Variants in FYTTD1 observed in about 807,000 individuals in gnomAD.
FYTTD1 encodes the protein forty-two-three domain containing 1.
In FYTTD1, 22 loss-of-function variants were observed where a neutral mutation model predicts 40.9. That is an observed-to-expected ratio of 0.54 (90% confidence interval 0.38 to 0.77). The LOEUF (loss-of-function observed/expected upper bound fraction) is 0.77. Ranked by LOEUF, FYTTD1 falls within the 30% of genes least tolerant of loss-of-function variation. The pLI, the probability that FYTTD1 is intolerant of heterozygous loss-of-function variation, is 0.00. For synonymous variants in FYTTD1, 140 were observed against 137.9 expected (o/e 1.01, Z -0.10); for missense variants, 351 against 392.2 (o/e 0.90, Z 0.89).
intron 2 of FYTTD1, 54 bp downstream of exon 2, chr3:197,756,611 G>T: frequency 1.3e-6 from 2 of 1,510,104 alleles, no homozygotes; most frequent in Middle Eastern, 1.7e-4. Context: ...TGTTCATAGT[G>T]TACTGTCTTT....
At chr3:197,752,091 G>T (rs1217294129) in intron 1 of FYTTD1, among the ~76,000 whole-genome samples, 1 of 152,172 alleles carries the variant, frequency 6.6e-6, no homozygotes, top group Non-Finnish European at 1.5e-5. Context: ...GGCCAGGCTG[G>T]TCTCGAACTC....
rs1415191063 is a variant in FYTTD1 at position 197,784,800 on chromosome 3, A to G, written c.*2891A>G. 1 of 151,982 alleles carries G rather than the reference A, an allele frequency of 6.6e-6. No homozygotes were observed. The highest frequency in any genetic ancestry group is 1.5e-5 in the Non-Finnish European group (1 of 67,994). 9.4% of individuals were successfully genotyped at this position (151,982 alleles called of 1,614,324 possible). A position where few individuals can be genotyped will look rare whatever the true frequency, so the allele number is the denominator to read the frequency against. ...AGTGACACTCTGTCTTAAAAAAACA[A>G]AAAAAAAGAATCCAGTATACTTTGC... On this transcript the variant is annotated 3_prime_UTR_variant, in exon 9 of 9. Coordinates refer to ENST00000241502, the MANE Select transcript of FYTTD1 (RefSeq NM_032288.7).
Position 197,784,327 on chromosome 3 carries a change from T to A in FYTTD1, c.*2418T>A, listed in dbSNP as rs1230021393. On this transcript the variant is annotated 3_prime_UTR_variant, in exon 9 of 9. Coordinates refer to ENST00000241502, the MANE Select transcript of FYTTD1 (RefSeq NM_032288.7). ...ATTCTCAGCTCTAAAGATTGAGTTG[T>A]GGTTTTTAGATTGTTCTATGTTACG... 2 of 152,228 alleles carry A rather than the reference T, an allele frequency of 1.3e-5. No individual in the cohort carries two copies. 9.4% of individuals were successfully genotyped at this position (152,228 alleles called of 1,614,324 possible). A position where few individuals can be genotyped will look rare whatever the true frequency, so the allele number is the denominator to read the frequency against.
In FYTTD1 at chr3:197,768,324, A is replaced by G. The variant is rs942171100; in HGVS notation, c.236-115A>G. On this transcript the variant is annotated intron_variant, in intron 2 of 8. Coordinates refer to ENST00000241502, the MANE Select transcript of FYTTD1 (RefSeq NM_032288.7). ...ATTTTATGTAATTTAAAAAACATAA[A>G]TAATAACATAATAAATGTTCATAAG... The G allele has an allele frequency of 5.8e-6, 4 of 691,888 alleles. No individual in the cohort carries two copies. The African/African-American group carries it at 7.3e-5, about 13-fold the overall frequency. 42.9% of individuals were successfully genotyped at this position (691,888 alleles called of 1,614,324 possible).
At chr3:197,756,296 T>C (rs1409787829) in intron 1 of FYTTD1, 130 bp from the exon 2 acceptor site, 2 of 679,176 alleles carry the variant, frequency 2.9e-6, no homozygotes, top group East Asian at 2.7e-5. Context: ...ATTCTTGTTA[T>C]TATCCTCTTA....
chr3:197,774,088 C>T (rs374937231), intron 5 of FYTTD1, 61 bp from the exon 6 acceptor site: 6 of 1,377,932 alleles, frequency 4.4e-6, no homozygotes, highest in Admixed American at 3.4e-5. Flanking sequence ...AGAGCAGGAT[C>T]GCTCTTTGGA....
In FYTTD1 at chr3:197,782,995, G is replaced by A. The variant is rs1455475833; in HGVS notation, c.*1086G>A. The A allele has an allele frequency of 1.3e-5, 2 of 152,354 alleles. No homozygotes were observed. Among genetic ancestry groups the A allele is most frequent in the African/African-American group, 4.8e-5 (2 of 41,352 alleles). 9.4% of individuals were successfully genotyped at this position (152,354 alleles called of 1,614,324 possible). On this transcript the variant is annotated 3_prime_UTR_variant, in exon 9 of 9. Transcript: ENST00000241502. ...TGTATATGTCACAGAGAAAAAAAAT[G>A]CAAAATTTATAATAGAGTTACATTA... is the stretch of plus-strand genomic sequence containing the variant.
In FYTTD1 at chr3:197,785,011, A is replaced by T. The variant is rs553702810; in HGVS notation, c.*3102A>T. 1.1e-4 allele frequency: 17 copies of T among 152,294 alleles called. No homozygotes were observed. The highest frequency in any genetic ancestry group is 4.1e-4 in the African/African-American group (17 of 41,576). The allele number at this position is 152,294 out of a possible 1,614,324, so 9.4% of individuals were successfully genotyped here. On this transcript the variant is annotated 3_prime_UTR_variant, in exon 9 of 9. Transcript: ENST00000241502. ...TTTGGTGAATTAACACCCACAGAAA[A>T]TAGTGGAATGGTGTGTGGTTTTCAA...
chr3:197,780,881 CTT>C (rs1234658378), intron 8 of FYTTD1, among the ~76,000 whole-genome samples: 1 of 151,600 alleles, frequency 6.6e-6, no homozygotes, highest in Non-Finnish European at 1.5e-5. Flanking sequence ...TATAGATTCT[CTT>C]TGTCAGATTG....
At chr3:197,768,927 G>A (rs1348744939) in intron 3 of FYTTD1, among the ~76,000 whole-genome samples, 2 of 151,730 alleles carry the variant, frequency 1.3e-5, no homozygotes, top group Non-Finnish European at 2.9e-5. Context: ...CGAGTAGCTG[G>A]GATTACAGGT....
chr3:197,750,265 C>T, intron 1 of FYTTD1, 191 bp downstream of exon 1: 1 of 919,784 alleles, frequency 1.1e-6, no homozygotes, highest in African/African-American at 1.7e-5. Context: ...GGCTGGACCG[C>T]GAGGGACCCG....
At chr3:197,755,611 A>AATTAATTT (rs747486444) in intron 1 of FYTTD1, 23 of 201,108 alleles carry the variant, frequency 1.1e-4, no homozygotes, top group Non-Finnish European at 9.2e-5. Context: ...ATACCCGGCT[A>AATTAATTT]ATTTATTTAT....
At chr3:197,755,677 G>A (rs1011748140) in intron 1 of FYTTD1, 17 of 433,130 alleles carry the variant, frequency 3.9e-5, no homozygotes, top group African/African-American at 2.7e-4. Flanking sequence ...TAGTAGAGAC[G>A]GGATTTCACC....
intron 1 of FYTTD1, among the ~76,000 whole-genome samples, chr3:197,752,234 G>A (rs1434179642): frequency 6.6e-6 from 1 of 152,144 alleles, no homozygotes; most frequent in Admixed American, 6.5e-5. Context: ...GTGATTGACA[G>A]CATGGAATCC....
intron 6 of FYTTD1, among the ~76,000 whole-genome samples, chr3:197,775,007 A>G (rs552910009): frequency 6.6e-6 from 1 of 152,368 alleles, no homozygotes; most frequent in East Asian, 1.9e-4. Flanking sequence ...TAACAGTTTT[A>G]GTGCCACGTA....
chr3:197,757,892 T>TC (rs1364380239), intron 2 of FYTTD1, among the ~76,000 whole-genome samples: 1 of 152,180 alleles, frequency 6.6e-6, no homozygotes, highest in Non-Finnish European at 1.5e-5. Flanking sequence ...GAAGTTTAGT[T>TC]CCAGTGATTT....
chr3:197,778,565 G>A, intron 8 of FYTTD1, 101 bp downstream of exon 8: 1 of 772,774 alleles, frequency 1.3e-6, no homozygotes, highest in Non-Finnish European at 2.0e-6. Flanking sequence ...TATCCTAACT[G>A]CCCCCTGAAA....
intron 2 of FYTTD1, among the ~76,000 whole-genome samples, chr3:197,768,019 A>G (rs1045276053): frequency 3.9e-5 from 6 of 152,252 alleles, no homozygotes; most frequent in African/African-American, 1.4e-4. Context: ...TATCTTTAAA[A>G]TATTTCACTA....
rs1268807962 is a variant in FYTTD1, at chr3:197,784,362, G to A, written c.*2453G>A. The A allele has an allele frequency of 6.6e-6, 1 of 152,194 alleles. No homozygotes were observed. Among genetic ancestry groups the A allele is most frequent in the Non-Finnish European group, 1.5e-5 (1 of 68,034 alleles). The allele number at this position is 152,194 out of a possible 1,614,324, so 9.4% of individuals were successfully genotyped here. A position where few individuals can be genotyped will look rare whatever the true frequency, so the allele number is the denominator to read the frequency against. On this transcript the variant is annotated 3_prime_UTR_variant, in exon 9 of 9. Coordinates refer to ENST00000241502, the MANE Select transcript of FYTTD1 (RefSeq NM_032288.7). ...ATTGTTCTATGTTACGAAGAACTTT[G>A]TAGTGGTTATCTATATTTGTAGTTT...
Sources: gnomAD v4.1 joint callset for allele counts (sites outside exome capture counted in the v4.1 genomes callset) on GRCh38, gnomAD v4.1.1 for gene constraint, MANE v1.5 for transcripts, NCBI Gene and HGNC (gene_info 2026-07-23, HGNC 2026-07-21) for gene names.